Variants in MBNL2 observed in about 807,000 individuals in gnomAD.
MBNL2 encodes muscleblind-like protein 2.
A neutral mutation model predicts 41.9 loss-of-function variants in MBNL2; 17 were observed. The ratio of observed to expected loss-of-function variants is 0.41; its 90% CI spans 0.28 to 0.61. The LOEUF is 0.61. Ranked by LOEUF, MBNL2 falls within the 20% of genes least tolerant of loss-of-function variation. MBNL2 has a pLI of 0.35. For synonymous variants in MBNL2, 195 were observed against 182.9 expected (o/e 1.07, Z -0.53); for missense variants, 336 against 505.6 (o/e 0.66, Z 3.22).
In MBNL2 at chr13:97,343,230, A is replaced by G. The variant is rs750545894; in HGVS notation, c.540+14A>G. 3 of 1,571,704 alleles carry G rather than the reference A, an allele frequency of 1.9e-6. No individual in the cohort carries two copies. The highest frequency in any genetic ancestry group is 2.7e-5 in the African/African-American group (2 of 73,600). ...GACAAACTGGAGGTACTTCAATTCT[A>G]CTTGTGTTTTGACATGCATTTGTGG... On this transcript the variant is annotated intron_variant, in intron 4 of 8. Coordinates refer to ENST00000679496, the MANE Select transcript of MBNL2 (RefSeq NM_001382683.1).
intron 2 of MBNL2, among the ~76,000 whole-genome samples, chr13:97,293,637 CCT>C (rs2056549471): frequency 6.6e-6 from 1 of 152,110 alleles, no homozygotes; most frequent in Non-Finnish European, 1.5e-5. Flanking sequence ...TTTTAATACT[CCT>C]CACATGTTTC....
At position 97,276,039 on chromosome 13, in the gene MBNL2, C is replaced by T. The variant is rs773382768; in HGVS notation, c.-197C>T. On this transcript the variant is annotated 5_prime_UTR_variant, in exon 2 of 9. Transcript: ENST00000679496. ...TGCGGCCTACCATCTTTAAGTGGGA[C>T]ATATTGATTGATGAGTGATTGCCTG... 1.2e-5 allele frequency: 6 copies of T among 500,396 alleles called. No homozygotes were observed. Among genetic ancestry groups the T allele is most frequent in the Admixed American group, 3.6e-5 (1 of 27,956 alleles). 31.0% of individuals were successfully genotyped at this position (500,396 alleles called of 1,614,324 possible).
chr13:97,250,887 C>T (rs1282606519), intron 1 of MBNL2, among the ~76,000 whole-genome samples: 1 of 152,124 alleles, frequency 6.6e-6, no homozygotes, highest in Admixed American at 6.5e-5. Context: ...ATATACAGCA[C>T]AAGTATGTCA....
chr13:97,348,921 C>T (rs1414722515), intron 5 of MBNL2, among the ~76,000 whole-genome samples: 3 of 152,168 alleles, frequency 2.0e-5, no homozygotes, highest in African/African-American at 7.2e-5. Context: ...AGGGATACAG[C>T]GAGAAAGGCA....
chr13:97,324,021 A>T, intron 2 of MBNL2, among the ~76,000 whole-genome samples: 1 of 152,100 alleles, frequency 6.6e-6, no homozygotes. Flanking sequence ...GGTCTTATTC[A>T]TTCTTTCTGT....
At chr13:97,207,709 G>A in the MBNL2 span, among the ~76,000 whole-genome samples, 1 of 152,080 alleles carries the variant, frequency 6.6e-6, no homozygotes, top group Admixed American at 6.6e-5. Flanking sequence ...CACTTAAAAA[G>A]AAATCATGCC....
chr13:97,234,241 C>T (rs1296645899), intron 1 of MBNL2, among the ~76,000 whole-genome samples: 2 of 152,176 alleles, frequency 1.3e-5, no homozygotes, highest in African/African-American at 4.8e-5. Context: ...TGGAGTAACC[C>T]TAAGCAAATC....
chr13:97,346,827 A>G lies in MBNL2; in HGVS notation c.564A>G (p.Gly188=). 1 of 1,614,028 alleles carries G rather than the reference A, an allele frequency of 6.2e-7. No homozygotes were observed. The highest frequency in any genetic ancestry group is 8.5e-7 in the Non-Finnish European group (1 of 1,179,920). The change falls in exon 5 of 9, where the codon GGA becomes GGG. Residue 188 remains glycine, a synonymous_variant. Transcript: ENST00000679496. The surrounding 1 kb of genome is among the most constrained non-coding windows in gnomAD (Gnocchi z 4.2). ...KLEVCREFQR[G]NCARGETDCR... ...AGGTATGCAGGGAGTTCCAGCGAGG[A>G]AACTGTGCCCGGGGAGAGACCGACT...
chr13:97,387,856 CAAACAA>C (rs1016878354), intron 8 of MBNL2, among the ~76,000 whole-genome samples: 3 of 152,108 alleles, frequency 2.0e-5, no homozygotes, highest in Non-Finnish European at 2.9e-5. Flanking sequence ...TCTTAAAATT[CAAACAA>C]AAACAAGGGT....
chr13:97,329,626 CTAG>C (rs2060206908), intron 2 of MBNL2, among the ~76,000 whole-genome samples: 3 of 528 alleles, frequency 5.7e-3, no homozygotes, highest in South Asian at 0.062. Context: ...CACACACACA[CTAG>C]ACACACAACA....
At chr13:97,280,192 A>G (rs944644886) in intron 2 of MBNL2, among the ~76,000 whole-genome samples, 2 of 152,204 alleles carry the variant, frequency 1.3e-5, no homozygotes, top group African/African-American at 4.8e-5. Flanking sequence ...TTTCCCTCAC[A>G]GCTAAAATGT....
At chr13:97,171,672 G>A in the MBNL2 span, among the ~76,000 whole-genome samples, 1 of 152,092 alleles carries the variant, frequency 6.6e-6, no homozygotes, top group Non-Finnish European at 1.5e-5. Flanking sequence ...GATTCCTGCA[G>A]TCAGCAAGTC....
At chr13:97,294,966 C>T (rs9516898) in intron 2 of MBNL2, among the ~76,000 whole-genome samples, 14,906 of 152,120 alleles carry the variant, frequency 0.098, 860 homozygotes, top group African/African-American at 0.15. Context: ...ACAACAACTG[C>T]CCAGTTATTA....
the MBNL2 span, among the ~76,000 whole-genome samples, chr13:97,155,055 G>C: frequency 6.6e-6 from 1 of 152,132 alleles, no homozygotes; most frequent in Non-Finnish European, 1.5e-5. Context: ...GTTCAATTGT[G>C]AGATGAGCCC....
chr13:97,380,914 G>A (rs1038868054), intron 8 of MBNL2, among the ~76,000 whole-genome samples: 3 of 152,228 alleles, frequency 2.0e-5, no homozygotes, highest in East Asian at 1.9e-4. Flanking sequence ...AGGTGCCAGC[G>A]TGATACAAGC....
intron 2 of MBNL2, among the ~76,000 whole-genome samples, chr13:97,286,514 A>G (rs1334372454): frequency 6.6e-6 from 1 of 152,212 alleles, no homozygotes; most frequent in Non-Finnish European, 1.5e-5. Flanking sequence ...TCTAGCACTC[A>G]GCGATCCTTT....
At chr13:97,281,655 A>G (rs1394466869) in intron 2 of MBNL2, among the ~76,000 whole-genome samples, 2 of 152,194 alleles carry the variant, frequency 1.3e-5, no homozygotes, top group Non-Finnish European at 2.9e-5. Context: ...AAATTGTTTG[A>G]GTATTTTCTA....
At chr13:97,158,559 T>C in the MBNL2 span, among the ~76,000 whole-genome samples, 4 of 151,410 alleles carry the variant, frequency 2.6e-5, no homozygotes, top group East Asian at 1.9e-4. Flanking sequence ...CTCTACACAC[T>C]GCTTTGAATG....
intron 1 of MBNL2, among the ~76,000 whole-genome samples, chr13:97,227,169 C>G (rs2041766975): frequency 6.6e-6 from 1 of 152,004 alleles, no homozygotes; most frequent in African/African-American, 2.4e-5. Context: ...CACAGACAAG[C>G]TGCGAGGTTC....
Sources: gnomAD v4.1 joint callset for allele counts (sites outside exome capture counted in the v4.1 genomes callset) on GRCh38, gnomAD v4.1.1 for gene constraint, Gnocchi (gnomAD v3.1) non-coding constraint, MANE v1.5 for transcripts, NCBI Gene and HGNC (gene_info 2026-07-23, HGNC 2026-07-21) for gene names.